CDH13: variants seen among roughly 807,000 people sequenced by gnomAD.
The protein encoded by CDH13 is cadherin 13, also known as cadherin-13.
Under a neutral mutation model 63.8 loss-of-function variants are expected in CDH13, and 24 were observed. The observed-to-expected ratio is 0.38, with a 90% confidence interval of 0.27 to 0.53. The LOEUF is 0.53. Among genes scored for constraint, CDH13 ranks in the 20% least tolerant of loss-of-function variants. The pLI is 0.85. For synonymous variants in CDH13, 503 were observed against 355.3 expected, an observed-to-expected ratio of 1.42 and a Z score of -4.67; for missense variants, 1,049 against 903.1, an observed-to-expected ratio of 1.16 and a Z score of -2.07.
At chr16:83,663,204 G>C (rs1429768352) in intron 8 of CDH13, among the ~76,000 whole-genome samples, 2 of 152,174 alleles carry the variant, frequency 1.3e-5, no homozygotes, top group African/African-American at 2.4e-5. Context: ...GGTCCAATCA[G>C]CTATGGCCAA....
intron 5 of CDH13, among the ~76,000 whole-genome samples, chr16:83,245,161 TAATC>T (rs758756109): frequency 1.8e-4 from 28 of 152,230 alleles, no homozygotes; most frequent in African/African-American, 5.5e-4. Context: ...TTGAAAACCT[TAATC>T]AACCAATTTT....
intron 4 of CDH13, among the ~76,000 whole-genome samples, chr16:83,199,878 A>G (rs2038975013): frequency 6.6e-6 from 1 of 152,188 alleles, no homozygotes; most frequent in African/African-American, 2.4e-5. Context: ...CCAAGGGCAC[A>G]TTAGAGCCAG....
intron 3 of CDH13, among the ~76,000 whole-genome samples, chr16:83,117,458 C>T (rs887646056): frequency 6.6e-6 from 1 of 152,144 alleles, no homozygotes; most frequent in African/African-American, 2.4e-5. Context: ...AGCACCCTCT[C>T]CCCCTGAGCA....
intron 8 of CDH13, among the ~76,000 whole-genome samples, chr16:83,668,929 G>C (rs1204391620): frequency 6.6e-6 from 1 of 152,192 alleles, no homozygotes; most frequent in Admixed American, 6.5e-5. Context: ...ACCAGGCTCA[G>C]GCAGCTTCAC....
chr16:83,084,792 G>C (rs1182623071), intron 3 of CDH13, among the ~76,000 whole-genome samples: 1 of 152,212 alleles, frequency 6.6e-6, no homozygotes, highest in Non-Finnish European at 1.5e-5. Flanking sequence ...GGAGGCTGAG[G>C]CAGGAGAATC....
At chr16:82,973,320 C>T (rs938958760) in intron 2 of CDH13, among the ~76,000 whole-genome samples, 1 of 152,224 alleles carries the variant, frequency 6.6e-6, no homozygotes, top group African/African-American at 2.4e-5. Context: ...CTGCAAGAAT[C>T]AGGCTTTACG....
chr16:83,007,836 A>G (rs186347476), intron 2 of CDH13, among the ~76,000 whole-genome samples: 16 of 152,002 alleles, frequency 1.1e-4, no homozygotes, highest in African/African-American at 2.4e-4. Context: ...AAAAAAAAAA[A>G]AGAGAGAAAA....
chr16:83,636,646 T>C (rs1911290975), intron 8 of CDH13, among the ~76,000 whole-genome samples: 1 of 152,204 alleles, frequency 6.6e-6, no homozygotes, highest in South Asian at 2.1e-4. Context: ...TCCACGGTGT[T>C]TTCTAACCCA....
intron 6 of CDH13, chr16:83,382,867 G>A (rs926792342): frequency 4.6e-5 from 7 of 152,226 alleles, no homozygotes; most frequent in African/African-American, 1.7e-4. Flanking sequence ...ATTTGGTAAT[G>A]TCTGGAGACA....
intron 5 of CDH13, among the ~76,000 whole-genome samples, chr16:83,243,860 C>A (rs1904719167): frequency 6.6e-6 from 1 of 152,170 alleles, no homozygotes; most frequent in South Asian, 2.1e-4. Context: ...ATTGAACACA[C>A]ACTTTATCCA....
At chr16:83,577,451 G>A (rs1425739004) in intron 7 of CDH13, among the ~76,000 whole-genome samples, 1 of 152,204 alleles carries the variant, frequency 6.6e-6, no homozygotes, top group African/African-American at 2.4e-5. Flanking sequence ...AGATATAAAT[G>A]CTCAGACCTG....
chr16:82,879,890 G>T (rs1433569503), intron 2 of CDH13, among the ~76,000 whole-genome samples: 3 of 141,222 alleles, frequency 2.1e-5, no homozygotes, highest in African/African-American at 2.6e-5. Context: ...GTTATATTTA[G>T]CTATAGAAAT....
intron 1 of CDH13, chr16:82,727,732 G>C (rs1256445139): frequency 1.3e-5 from 2 of 152,166 alleles, no homozygotes; most frequent in African/African-American, 2.4e-5. Flanking sequence ...AGCTGGCTTA[G>C]TTCTGCATGT....
intron 2 of CDH13, among the ~76,000 whole-genome samples, chr16:82,868,108 G>A (rs189911080): frequency 1.3e-5 from 2 of 152,332 alleles, no homozygotes; most frequent in Admixed American, 1.3e-4. Context: ...CTGAACTGCA[G>A]TCTGGACAGA....
intron 5 of CDH13, among the ~76,000 whole-genome samples, chr16:83,295,430 C>T (rs1014179837): frequency 1.3e-5 from 2 of 151,942 alleles, no homozygotes; most frequent in African/African-American, 2.4e-5. Flanking sequence ...GGTAAAAAGA[C>T]AACCTATGGA....
intron 7 of CDH13, among the ~76,000 whole-genome samples, chr16:83,494,100 C>G (rs1465720951): frequency 3.3e-5 from 5 of 152,142 alleles, no homozygotes; most frequent in African/African-American, 1.2e-4. Context: ...AAAGATTCAT[C>G]TTTTTAGATT....
At chr16:82,852,036 C>A (rs1454854143) in intron 1 of CDH13, among the ~76,000 whole-genome samples, 1 of 152,176 alleles carries the variant, frequency 6.6e-6, no homozygotes, top group East Asian at 1.9e-4. Flanking sequence ...CCCAGAGACA[C>A]TGGGGTGTTG....
rs114488265 is a variant in CDH13 at position 83,252,028 on chromosome 16, C to T, written c.636+34531C>T. Among the ~76,000 whole-genome samples, 1,024 of 149,628 alleles carry T rather than the reference C, an allele frequency of 6.8e-3. 13 individuals are homozygous for T. The highest frequency in any genetic ancestry group is 0.024 in the African/African-American group (965 of 40,774). Reference sequence around the variant, plus strand: ...CGGGATGCATTGGATTTTTAAGCTCCGAGATTATCCCAGCTTTTACCTCTT... The same window carrying T: ...CGGGATGCATTGGATTTTTAAGCTCTGAGATTATCCCAGCTTTTACCTCTT... On this transcript the variant is annotated intron_variant, in intron 5 of 13. Coordinates refer to ENST00000567109, the MANE Select transcript of CDH13 (RefSeq NM_001257.5).
rs3910231 is a variant in CDH13, at chr16:82,640,069, G to T, written c.45+12932G>T. Among the ~76,000 whole-genome samples, 1,229 of 152,318 alleles carry T rather than the reference G, an allele frequency of 8.1e-3. 5 individuals are homozygous for T. The highest frequency in any genetic ancestry group is 0.013 in the Non-Finnish European group (897 of 68,050). On this transcript the variant is annotated intron_variant, in intron 1 of 13. Coordinates refer to ENST00000567109, the MANE Select transcript of CDH13 (RefSeq NM_001257.5). ...CCTGCCCCCGTGGAGTTTGTGTTCT[G>T]ATAGCAGAGAAAGACAGGAAACAAG...
Sources: gnomAD v4.1 joint callset for allele counts (sites outside exome capture counted in the v4.1 genomes callset) on GRCh38, gnomAD v4.1.1 for gene constraint, MANE v1.5 for transcripts, NCBI Gene and HGNC (gene_info 2026-07-23, HGNC 2026-07-21) for gene names.